SNTG1: variants seen among roughly 807,000 people sequenced by gnomAD.
The protein encoded by SNTG1 is gamma-1-syntrophin.
A neutral mutation model predicts 74.7 loss-of-function variants in SNTG1; 39 were observed. That is an observed-to-expected ratio of 0.52 (90% CI 0.40 to 0.68). The LOEUF is 0.68. Ranked by LOEUF, SNTG1 falls within the 30% of genes least tolerant of loss-of-function variation. The pLI is 0.00. For synonymous variants in SNTG1, 254 were observed against 217.1 expected (o/e 1.17, Z -1.49); for missense variants, 685 against 609.5 (o/e 1.12, Z -1.30).
intron 15 of SNTG1, among the ~76,000 whole-genome samples, chr8:50,678,493 A>G (rs138031459): frequency 2.6e-5 from 4 of 152,212 alleles, no homozygotes; most frequent in Non-Finnish European, 5.9e-5. Flanking sequence ...GTGTCAACAT[A>G]TTTATATTGT....
At chr8:50,706,434 T>C (rs935677231) in intron 16 of SNTG1, among the ~76,000 whole-genome samples, 4 of 152,164 alleles carry the variant, frequency 2.6e-5, no homozygotes, top group African/African-American at 9.7e-5. Context: ...TTCTCTACAA[T>C]AGTCCACTTC....
rs1205611371 is a variant in SNTG1 at position 50,795,412 on chromosome 8, TA to T, written c.*2588del. The stretch of plus-strand genomic sequence containing the variant: ...AAGCTTTGAAATGAACAAAAACACT[TA>T]AAAATTTCTATCTCTCATATAATTT... On this transcript the variant is annotated 3_prime_UTR_variant, in exon 19 of 19. Transcript: ENST00000642720. 2 of 152,188 alleles carry T rather than the reference TA, an allele frequency of 1.3e-5. No individual in the cohort carries two copies. Among genetic ancestry groups the T allele is most frequent in the East Asian group, 3.9e-4 (2 of 5,178 alleles). The allele number at this position is 152,188 out of a possible 1,614,324, so 9.4% of individuals were successfully genotyped here.
At chr8:50,744,097 C>T (rs1030768081) in intron 17 of SNTG1, among the ~76,000 whole-genome samples, 4 of 152,068 alleles carry the variant, frequency 2.6e-5, no homozygotes, top group South Asian at 4.1e-4. Context: ...TATCTGCCCC[C>T]GTGATCCACA....
intron 18 of SNTG1, among the ~76,000 whole-genome samples, chr8:50,763,542 G>T (rs2095604910): frequency 6.6e-6 from 1 of 151,102 alleles, no homozygotes; most frequent in Admixed American, 6.6e-5. Flanking sequence ...TGATGTGTCT[G>T]TTTTTATTAG....
At chr8:49,923,185 T>A (rs1806710703) in intron 1 of SNTG1, among the ~76,000 whole-genome samples, 1 of 152,122 alleles carries the variant, frequency 6.6e-6, no homozygotes, top group South Asian at 2.1e-4. Flanking sequence ...ACCAAAGATT[T>A]CCTAGTCATG....
chr8:49,991,622 A>G (rs1260026866), intron 1 of SNTG1, among the ~76,000 whole-genome samples: 1 of 152,210 alleles, frequency 6.6e-6, no homozygotes, highest in African/African-American at 2.4e-5. Context: ...AAGAATAAGA[A>G]AAAGAAAGAA....
At chr8:50,049,052 A>G (rs1401481348) in intron 1 of SNTG1, among the ~76,000 whole-genome samples, 2 of 152,022 alleles carry the variant, frequency 1.3e-5, no homozygotes, top group Non-Finnish European at 1.5e-5. Context: ...AAAATTATAT[A>G]AAATGCTCAA....
chr8:50,328,163 T>C (rs1263613696), intron 2 of SNTG1, among the ~76,000 whole-genome samples: 5 of 151,222 alleles, frequency 3.3e-5, no homozygotes, highest in African/African-American at 1.2e-4. Context: ...TTCTGATCTA[T>C]ATCATTTTAC....
At chr8:50,620,434 T>TCC (rs2094914301) in intron 13 of SNTG1, among the ~76,000 whole-genome samples, 1 of 152,108 alleles carries the variant, frequency 6.6e-6, no homozygotes, top group Non-Finnish European at 1.5e-5. Flanking sequence ...ACTTGAAAAG[T>TCC]CCCTTTGGCA....
intron 4 of SNTG1, among the ~76,000 whole-genome samples, chr8:50,436,338 T>A (rs529742343): frequency 1.3e-5 from 2 of 152,158 alleles, no homozygotes; most frequent in Admixed American, 6.6e-5. Flanking sequence ...ATAGTCACGA[T>A]TTAATTCACC....
chr8:50,162,049 T>C (rs962301713), intron 1 of SNTG1, among the ~76,000 whole-genome samples: 4 of 152,054 alleles, frequency 2.6e-5, no homozygotes, highest in Non-Finnish European at 5.9e-5. Flanking sequence ...AGAAATGCTG[T>C]GTGATTTGTG....
intron 2 of SNTG1, among the ~76,000 whole-genome samples, chr8:50,260,369 A>G (rs948716418): frequency 1.3e-5 from 2 of 152,122 alleles, no homozygotes; most frequent in African/African-American, 4.8e-5. Flanking sequence ...TTGTTAAGTC[A>G]CAACACAGAG....
intron 2 of SNTG1, among the ~76,000 whole-genome samples, chr8:50,276,323 T>C (rs1370534954): frequency 1.3e-5 from 2 of 151,208 alleles, no homozygotes; most frequent in Non-Finnish European, 2.9e-5. Flanking sequence ...TCTAAATTCG[T>C]CATCAGCATT....
intron 13 of SNTG1, among the ~76,000 whole-genome samples, chr8:50,622,529 G>A (rs146461327): frequency 0.011 from 1,651 of 152,106 alleles, 17 homozygotes; most frequent in African/African-American, 0.016. Context: ...TAAGGTAGTC[G>A]TTTAGTTAGG....
At chr8:50,724,862 T>G (rs991682828) in intron 17 of SNTG1, among the ~76,000 whole-genome samples, 3 of 152,190 alleles carry the variant, frequency 2.0e-5, no homozygotes, top group Non-Finnish European at 4.4e-5. Context: ...ATAATAGAGA[T>G]AGTTTAATTT....
intron 13 of SNTG1, among the ~76,000 whole-genome samples, chr8:50,625,355 T>C (rs1212423594): frequency 6.6e-6 from 1 of 152,212 alleles, no homozygotes; most frequent in African/African-American, 2.4e-5. Context: ...TTGTAAGCAC[T>C]GTATTTAATG....
At chr8:50,309,462 C>G (rs1319852418) in intron 2 of SNTG1, among the ~76,000 whole-genome samples, 1 of 152,000 alleles carries the variant, frequency 6.6e-6, no homozygotes, top group African/African-American at 2.4e-5. Flanking sequence ...AAATGCAAAG[C>G]TAATGCTGGG....
intron 2 of SNTG1, among the ~76,000 whole-genome samples, chr8:50,335,266 C>T (rs144067740): frequency 6.6e-6 from 1 of 152,274 alleles, no homozygotes; most frequent in Non-Finnish European, 1.5e-5. Flanking sequence ...TGGTTTAGAA[C>T]ACCCACATAT....
intron 1 of SNTG1, among the ~76,000 whole-genome samples, chr8:50,060,201 G>A (rs907520942): frequency 1.8e-4 from 28 of 152,006 alleles, no homozygotes; most frequent in African/African-American, 3.1e-4. Flanking sequence ...AAATTGGGTC[G>A]TTTGTCTGCT....
Sources: allele counts gnomAD v4.1 joint callset (sites outside exome capture counted in the v4.1 genomes callset), GRCh38; gene constraint gnomAD v4.1.1; transcripts MANE v1.5; gene names NCBI Gene and HGNC (gene_info 2026-07-23, HGNC 2026-07-21).